The following ATP11A variants were observed in gnomAD, a reference collection of about 807,000 sequenced individuals.
The protein encoded by ATP11A is phospholipid-transporting ATPase IH.
ATP11A carries 81 observed loss-of-function variants against 154.4 expected under a neutral mutation model. That is an observed-to-expected ratio of 0.52 (90% CI 0.44 to 0.63). The LOEUF is 0.63. Ranked by LOEUF, ATP11A falls within the 30% of genes least tolerant of loss-of-function variation. The probability of loss-of-function intolerance (pLI) is 0.00; values close to 1 mark genes in which losing one functional copy is unlikely to be tolerated. For synonymous variants in ATP11A, 623 were observed against 585.9 expected (o/e 1.06, Z -0.91); for missense variants, 1,316 against 1,474.3 (o/e 0.89, Z 1.76).
chr13:112,793,424 T>A (rs917606024), intron 2 of ATP11A, among the ~76,000 whole-genome samples: 4 of 152,196 alleles, frequency 2.6e-5, no homozygotes, highest in African/African-American at 9.6e-5. Flanking sequence ...GCTGGTCTTG[T>A]ACTCCTGACC....
chr13:112,755,031 G>A (rs1374392830), intron 1 of ATP11A, among the ~76,000 whole-genome samples: 1 of 152,244 alleles, frequency 6.6e-6, no homozygotes, highest in Non-Finnish European at 1.5e-5. Context: ...TGCCCTAGTA[G>A]CCAGGGCGCC....
chr13:112,818,578 G>A (rs536624744), intron 6 of ATP11A, among the ~76,000 whole-genome samples: 21 of 152,302 alleles, frequency 1.4e-4, no homozygotes, highest in African/African-American at 3.6e-4. Context: ...AGGCAGGGCC[G>A]GTGCAGCCCT....
At chr13:112,796,135 A>G (rs2077992783) in intron 2 of ATP11A, among the ~76,000 whole-genome samples, 1 of 152,250 alleles carries the variant, frequency 6.6e-6, no homozygotes, top group Non-Finnish European at 1.5e-5. Context: ...ATGAGAAACA[A>G]AAGAAATGAA....
chr13:112,790,273 C>T lies in ATP11A; in HGVS notation c.162+5016C>T, dbSNP rs1375499190. On this transcript the variant is annotated intron_variant, in intron 2 of 29. Coordinates refer to ENST00000375645, the MANE Select transcript of ATP11A (RefSeq NM_015205.3). ...CACACCCGGCATCTTGACATGTAGA[C>T]TCCTATGTAGACATACTTAATTCAC... Among the ~76,000 whole-genome samples, 4 of 151,952 alleles carry T rather than the reference C, an allele frequency of 2.6e-5. 1 individual carries two copies. Among genetic ancestry groups the T allele is most frequent in the African/African-American group, 9.7e-5 (4 of 41,334 alleles).
intron 1 of ATP11A, among the ~76,000 whole-genome samples, chr13:112,759,705 G>A (rs763912214): frequency 6.6e-6 from 1 of 152,066 alleles, no homozygotes; most frequent in Non-Finnish European, 1.5e-5. Flanking sequence ...TGCCTGTTTT[G>A]TAAACTTTTA....
rs1468660828 is a variant in ATP11A at position 112,697,330 on chromosome 13, TTCCAG to T, written c.39+6877_39+6881del. On this transcript the variant is annotated intron_variant, in intron 1 of 29. Transcript: ENST00000375645. This position sits in a 1 kb window ranked among gnomAD's most constrained non-coding sequence, Gnocchi z 4.0. ...CCACCCAGCCGTGTTCATTTCCGTG[TTCCAG>T]TGTCACCCGTGTGCCTAGAACGTTC... is the stretch of plus-strand genomic sequence containing the variant. Among the ~76,000 whole-genome samples, 37 of 152,216 alleles carry T rather than the reference TTCCAG, an allele frequency of 2.4e-4. No individual in the cohort carries two copies. Among genetic ancestry groups the T allele is most frequent in the Admixed American group, 1.4e-3 (22 of 15,286 alleles).
intron 18 of ATP11A, among the ~76,000 whole-genome samples, chr13:112,853,314 A>G (rs1401602119): frequency 6.6e-6 from 1 of 152,146 alleles, no homozygotes; most frequent in African/African-American, 2.4e-5. Flanking sequence ...ATACACATAC[A>G]TACACACACA....
At chr13:112,779,294 TGAGTAGCCGCTGGAGTGAG>T (rs1284118974) in intron 1 of ATP11A, among the ~76,000 whole-genome samples, 72 of 106,184 alleles carry the variant, frequency 6.8e-4, no homozygotes, top group African/African-American at 9.8e-4. Context: ...GCCACTGGGG[TGAGTAGCCGCTGGAGTGAG>T]GAGTAGCCGC....
intron 17 of ATP11A, among the ~76,000 whole-genome samples, chr13:112,847,980 A>G (rs2079654305): frequency 6.6e-6 from 1 of 152,214 alleles, no homozygotes; most frequent in Non-Finnish European, 1.5e-5. Flanking sequence ...GGTCCTAGCT[A>G]CTAGGCAGGA....
Position 112,858,155 on chromosome 13 carries a change from C to G in ATP11A, c.2532C>G (p.Gly844=). Residue 844 remains glycine (G), a synonymous_variant, in exon 22 of 30, where the codon GGC becomes GGG. Coordinates refer to ENST00000375645, the MANE Select transcript of ATP11A (RefSeq NM_015205.3). ...ACCTCCGTCTTCTAGGTGTCATCGG[C>G]AAGGAAGGCCGCCAGGCTGCCAGGA... ...LEAHVGIGVI[G]KEGRQAARNS... The G allele has an allele frequency of 1.2e-6, 2 of 1,613,452 alleles. No homozygotes were observed. Among genetic ancestry groups the G allele is most frequent in the Non-Finnish European group, 1.7e-6 (2 of 1,179,680 alleles).
chr13:112,806,816 G>C (rs189368986), intron 4 of ATP11A, among the ~76,000 whole-genome samples: 1 of 151,736 alleles, frequency 6.6e-6, no homozygotes, highest in South Asian at 2.1e-4. Flanking sequence ...TCTCCTCCCC[G>C]TCCCTGGCAA....
At chr13:112,769,949 A>C (rs2077187437) in intron 1 of ATP11A, among the ~76,000 whole-genome samples, 1 of 152,204 alleles carries the variant, frequency 6.6e-6, no homozygotes, top group African/African-American at 2.4e-5. Flanking sequence ...CTCCTGTCGA[A>C]AATGGAGGGT....
chr13:112,828,285 G>C (rs990718172), intron 12 of ATP11A, among the ~76,000 whole-genome samples: 8 of 145,926 alleles, frequency 5.5e-5, no homozygotes, highest in South Asian at 2.3e-4. Context: ...TGTTGAGTAG[G>C]GGGGAAAGTA....
At chr13:112,731,939 G>GC (rs1279508672) in intron 1 of ATP11A, among the ~76,000 whole-genome samples, 1 of 143,364 alleles carries the variant, frequency 7.0e-6, no homozygotes, top group Non-Finnish European at 1.5e-5. Flanking sequence ...AATGGGGGCG[G>GC]GGGGGGGCAG....
chr13:112,873,533 C>T lies in ATP11A; in HGVS notation c.3058-40C>T, dbSNP rs1252973331. The T allele has an allele frequency of 2.7e-6, 4 of 1,480,144 alleles. No homozygotes were observed. In the African/African-American group the frequency reaches 4.2e-5, roughly 16 times the overall value. The allele number at this position is 1,480,144 out of a possible 1,614,324, so 91.7% of individuals were successfully genotyped here. A position where few individuals can be genotyped will look rare whatever the true frequency, so the allele number is the denominator to read the frequency against. On this transcript the variant is annotated intron_variant, in intron 26 of 29. Transcript: ENST00000375645. ...GCCCATCACGATCATTCTCACTGCTCAGATGACACCGTTAACTGCCCTTTT... is the reference window on the plus strand; with the variant it reads ...GCCCATCACGATCATTCTCACTGCTTAGATGACACCGTTAACTGCCCTTTT...
intron 1 of ATP11A, among the ~76,000 whole-genome samples, chr13:112,716,770 G>T (rs1022490207): frequency 6.6e-6 from 1 of 152,252 alleles, no homozygotes; most frequent in African/African-American, 2.4e-5. Flanking sequence ...CGTGAGTGGG[G>T]CAGTGGCAGC....
chr13:112,831,395 C>A lies in ATP11A; in HGVS notation c.1242C>A (p.Asp414Glu). 6.2e-7 allele frequency: 1 copy of A among 1,614,172 alleles called. No homozygotes were observed. Among genetic ancestry groups the A allele is most frequent in the Non-Finnish European group, 8.5e-7 (1 of 1,179,994 alleles). The change falls in exon 13 of 30, where the codon GAC becomes GAA. Residue 414 changes from aspartate to glutamate, a missense_variant. Transcript: ENST00000375645. ...CGCAGGTGGAGTACATCTTCACAGA[C>A]AAGACCGGCACCCTCACGGAAAACA... The part of the protein sequence containing the change: ...ELGQVEYIFT[D>E]KTGTLTENNM...
At chr13:112,781,784 C>CAAAAAAAAAA (rs748401969) in intron 1 of ATP11A, among the ~76,000 whole-genome samples, 1 of 101,336 alleles carries the variant, frequency 9.9e-6, no homozygotes, top group African/African-American at 3.5e-5. Flanking sequence ...TTTCACTTTG[C>CAAAAAAAAAA]AAAAAAAAAA....
chr13:112,788,989 A>G (rs1269036437), intron 2 of ATP11A, among the ~76,000 whole-genome samples: 2 of 151,692 alleles, frequency 1.3e-5, no homozygotes, highest in African/African-American at 4.9e-5. Flanking sequence ...TCCTATGTAG[A>G]CATACTTAAT....
Sources: gnomAD v4.1 joint callset for allele counts (sites outside exome capture counted in the v4.1 genomes callset) on GRCh38, gnomAD v4.1.1 for gene constraint, Gnocchi (gnomAD v3.1) non-coding constraint, MANE v1.5 for transcripts, NCBI Gene and HGNC (gene_info 2026-07-23, HGNC 2026-07-21) for gene names.